Variants in KCND3 observed in about 807,000 individuals in gnomAD.
KCND3 encodes the protein A-type voltage-gated potassium channel KCND3.
Under a neutral mutation model 51.1 loss-of-function variants are expected in KCND3, and 9 were observed. The ratio of observed to expected loss-of-function variants is 0.18; its 90% CI spans 0.11 to 0.31. The LOEUF (loss-of-function observed/expected upper bound fraction) is 0.31. Ranked by LOEUF, KCND3 falls within the 10% of genes least tolerant of loss-of-function variation. The probability of loss-of-function intolerance (pLI) is 1.00; values close to 1 mark genes in which losing one functional copy is unlikely to be tolerated. For synonymous variants in KCND3, 349 were observed against 368.0 expected, an observed-to-expected ratio of 0.95 and a Z score of 0.59; for missense variants, 526 against 903.8, an observed-to-expected ratio of 0.58 and a Z score of 5.36.
rs746691414 is a variant in KCND3 at position 111,787,126 on chromosome 1, A to G, written c.1107-20T>C. ...CCGTATCTGAGAGAGGGAGAGAAAC[A>G]GGGTGTAAGGGAGAGAGGGCCATTT... On this transcript the variant is annotated intron_variant, in intron 2 of 7. Coordinates refer to ENST00000302127, the MANE Select transcript of KCND3 (RefSeq NM_001378969.1). The G allele has an allele frequency of 1.2e-6, 2 of 1,613,794 alleles. No individual in the cohort carries two copies. Among genetic ancestry groups the G allele is most frequent in the East Asian group, 4.5e-5 (2 of 44,886 alleles).
At chr1:111,789,467 C>T (rs1664740677) in intron 2 of KCND3, among the ~76,000 whole-genome samples, 1 of 152,206 alleles carries the variant, frequency 6.6e-6, no homozygotes, top group Non-Finnish European at 1.5e-5. Flanking sequence ...ACATGAATCC[C>T]ACCCGGGAGA....
At chr1:111,842,085 G>A (rs981804744) in intron 2 of KCND3, among the ~76,000 whole-genome samples, 3 of 152,310 alleles carry the variant, frequency 2.0e-5, no homozygotes, top group African/African-American at 4.8e-5. Context: ...GGGCACCTGG[G>A]AGGCAATATG....
At chr1:111,929,598 T>C (rs1393881212) in intron 2 of KCND3, among the ~76,000 whole-genome samples, 1 of 152,152 alleles carries the variant, frequency 6.6e-6, no homozygotes, top group Non-Finnish European at 1.5e-5. Flanking sequence ...CCTTCTCCCA[T>C]AGTACCAGAA....
chr1:111,820,705 C>G (rs1349754962), intron 2 of KCND3, among the ~76,000 whole-genome samples: 2 of 152,106 alleles, frequency 1.3e-5, no homozygotes, highest in African/African-American at 4.8e-5. Context: ...AGAAGGTGAC[C>G]TCATTTGAAA....
At chr1:111,932,163 G>C (rs35082627) in intron 2 of KCND3, among the ~76,000 whole-genome samples, 53,762 of 152,032 alleles carry the variant, frequency 0.35, 11,162 homozygotes, top group East Asian at 0.46. Flanking sequence ...GGCCCACCTG[G>C]ATAACCCAGG....
intron 2 of KCND3, among the ~76,000 whole-genome samples, chr1:111,926,278 G>A (rs1289390923): frequency 2.0e-5 from 3 of 152,304 alleles, no homozygotes; most frequent in Admixed American, 2.0e-4. Context: ...AACAACTGTG[G>A]GAGTAGCAGC....
intron 2 of KCND3, among the ~76,000 whole-genome samples, chr1:111,793,462 C>G (rs534599884): frequency 6.7e-6 from 1 of 149,320 alleles, no homozygotes; most frequent in African/African-American, 2.4e-5. Flanking sequence ...CAGGCGTGAG[C>G]CACCGCGCCC....
intron 1 of KCND3, among the ~76,000 whole-genome samples, chr1:111,984,309 C>A (rs1050475694): frequency 1.2e-4 from 18 of 152,354 alleles, no homozygotes; most frequent in Middle Eastern, 6.8e-3. Context: ...CTGGACTTTT[C>A]TGCTCAGATG....
At chr1:111,977,642 C>G (rs1020696387) in intron 2 of KCND3, among the ~76,000 whole-genome samples, 2 of 152,154 alleles carry the variant, frequency 1.3e-5, no homozygotes, top group African/African-American at 4.8e-5. Context: ...AAAACCAGGC[C>G]TGGGACTGGC....
At chr1:111,820,879 A>G (rs899608010) in intron 2 of KCND3, among the ~76,000 whole-genome samples, 1 of 152,188 alleles carries the variant, frequency 6.6e-6, no homozygotes. Flanking sequence ...TGAGGCATCT[A>G]CAAGTCAAGG....
At chr1:111,799,887 C>A (rs4839168) in intron 2 of KCND3, among the ~76,000 whole-genome samples, 1 of 152,250 alleles carries the variant, frequency 6.6e-6, no homozygotes, top group South Asian at 2.1e-4. Flanking sequence ...ACTTCACTAC[C>A]GGTCTCCTGT....
chr1:111,820,118 C>T (rs1275325988), intron 2 of KCND3, among the ~76,000 whole-genome samples: 1 of 152,190 alleles, frequency 6.6e-6, no homozygotes, highest in African/African-American at 2.4e-5. Flanking sequence ...CCTTTACAAC[C>T]CTAATTACCA....
chr1:111,775,818 G>GGC lies in KCND3; in HGVS notation c.*258_*259insGC. The GGC allele has an allele frequency of 9.0e-5, 9 of 99,728 alleles. 1 individual carries two copies. The highest frequency in any genetic ancestry group is 1.6e-4 in the Non-Finnish European group (8 of 51,434). 6.2% of individuals were successfully genotyped at this position (99,728 alleles called of 1,614,324 possible). On this transcript the variant is annotated 3_prime_UTR_variant, in exon 8 of 8. Coordinates refer to ENST00000302127, the MANE Select transcript of KCND3 (RefSeq NM_001378969.1). ...AGCCTATATCCCCCGGCCTATCCCC[G>GGC]ACCCCCCCACCCTCCCTCCCTTCCT...
intron 2 of KCND3, among the ~76,000 whole-genome samples, chr1:111,862,795 A>G (rs1668395003): frequency 1.3e-5 from 2 of 152,206 alleles, no homozygotes; most frequent in African/African-American, 4.8e-5. Flanking sequence ...AGCATTTGGA[A>G]CAGTGTCTGG....
intron 2 of KCND3, among the ~76,000 whole-genome samples, chr1:111,789,354 G>C (rs1019834034): frequency 1.3e-5 from 2 of 152,240 alleles, no homozygotes; most frequent in African/African-American, 4.8e-5. Flanking sequence ...GCATCTTGGA[G>C]AGGCTGGAAC....
At chr1:111,844,160 AC>A (rs1205265859) in intron 2 of KCND3, among the ~76,000 whole-genome samples, 1 of 152,056 alleles carries the variant, frequency 6.6e-6, no homozygotes, top group Non-Finnish European at 1.5e-5. Flanking sequence ...TTTTAAAACG[AC>A]CTGTGACACG....
intron 2 of KCND3, among the ~76,000 whole-genome samples, chr1:111,844,149 A>G (rs779319386): frequency 2.0e-4 from 31 of 152,088 alleles, no homozygotes; most frequent in Non-Finnish European, 3.8e-4. Flanking sequence ...ACCACTCAAC[A>G]TTTTAAAACG....
intron 2 of KCND3, among the ~76,000 whole-genome samples, chr1:111,848,138 C>T (rs1406859451): frequency 2.0e-5 from 3 of 152,296 alleles, no homozygotes; most frequent in East Asian, 3.9e-4. Flanking sequence ...TCGAGCAGCT[C>T]GCTCATGGCC....
chr1:111,793,636 C>G (rs958243446), intron 2 of KCND3, among the ~76,000 whole-genome samples: 6 of 152,172 alleles, frequency 3.9e-5, no homozygotes, highest in Non-Finnish European at 8.8e-5. Context: ...TAAATGGCAG[C>G]TAATTATGAG....
Sources: allele counts gnomAD v4.1 joint callset (sites outside exome capture counted in the v4.1 genomes callset), GRCh38; gene constraint gnomAD v4.1.1; transcripts MANE v1.5; gene names NCBI Gene and HGNC (gene_info 2026-07-23, HGNC 2026-07-21).